The following CDH13 variants were observed in gnomAD, a reference collection of about 807,000 sequenced individuals.
CDH13 encodes cadherin-13.
Under a neutral mutation model 63.8 loss-of-function variants are expected in CDH13, and 24 were observed. The observed-to-expected ratio is 0.38, with a 90% CI of 0.27 to 0.53. The LOEUF (loss-of-function observed/expected upper bound fraction) is 0.53, where lower values mean the gene tolerates loss of function less well. CDH13 is among the 20% of genes least tolerant of loss of function. The pLI, the probability that CDH13 is intolerant of heterozygous loss-of-function variation, is 0.85. For missense variants in CDH13, 1,049 were observed against 903.1 expected, an observed-to-expected ratio of 1.16 and a Z score of -2.07; for synonymous variants, 503 against 355.3, an observed-to-expected ratio of 1.42 and a Z score of -4.67.
At chr16:83,520,560 G>A (rs769218798) in intron 7 of CDH13, among the ~76,000 whole-genome samples, 4 of 152,258 alleles carry the variant, frequency 2.6e-5, no homozygotes, top group South Asian at 2.1e-4. Flanking sequence ...GTGTCTCGAC[G>A]TCATTGCATG....
chr16:82,695,498 C>G (rs2030170008), intron 1 of CDH13, among the ~76,000 whole-genome samples: 1 of 152,160 alleles, frequency 6.6e-6, no homozygotes, highest in Admixed American at 6.5e-5. Context: ...GCAGGAAGGA[C>G]TTCACCTCTT....
intron 13 of CDH13, among the ~76,000 whole-genome samples, chr16:83,789,739 T>C (rs1916133640): frequency 6.6e-6 from 1 of 152,094 alleles, no homozygotes; most frequent in Non-Finnish European, 1.5e-5. Context: ...GTAGAATCTC[T>C]TTGATGTTTC....
chr16:83,768,940 A>T (rs1465468585), intron 11 of CDH13, among the ~76,000 whole-genome samples: 1 of 152,232 alleles, frequency 6.6e-6, no homozygotes, highest in Non-Finnish European at 1.5e-5. Context: ...CCGTCTGGGA[A>T]TGCAGCCCAG....
intron 6 of CDH13, among the ~76,000 whole-genome samples, chr16:83,433,749 A>G (rs1307936985): frequency 6.6e-6 from 1 of 152,232 alleles, no homozygotes. Flanking sequence ...ACCATTAGCT[A>G]CTGCCATGTC....
At chr16:82,989,615 A>G (rs1319183542) in intron 2 of CDH13, among the ~76,000 whole-genome samples, 1 of 152,208 alleles carries the variant, frequency 6.6e-6, no homozygotes, top group Admixed American at 6.5e-5. Context: ...CCAGTGATAC[A>G]ATGGAGACTT....
chr16:83,373,043 T>C (rs1172491560), intron 6 of CDH13, among the ~76,000 whole-genome samples: 2 of 152,320 alleles, frequency 1.3e-5, no homozygotes, highest in East Asian at 3.9e-4. Flanking sequence ...ATCAATAAAA[T>C]TGATCATCTC....
chr16:83,172,234 T>G (rs919810438), intron 4 of CDH13, among the ~76,000 whole-genome samples: 7 of 152,122 alleles, frequency 4.6e-5, no homozygotes, highest in Non-Finnish European at 1.0e-4. Context: ...CTCATGCCTG[T>G]AATCCCAGCA....
intron 11 of CDH13, among the ~76,000 whole-genome samples, chr16:83,763,607 A>G (rs908354910): frequency 6.6e-6 from 1 of 152,174 alleles, no homozygotes; most frequent in Non-Finnish European, 1.5e-5. Context: ...GATTGATTCT[A>G]CTTAAAAGAT....
chr16:82,899,071 C>G (rs950612680), intron 2 of CDH13, among the ~76,000 whole-genome samples: 2 of 152,174 alleles, frequency 1.3e-5, no homozygotes, highest in African/African-American at 2.4e-5. Flanking sequence ...GAAGGACCAT[C>G]TGAAGGGTCC....
chr16:83,230,639 T>G (rs780514019), intron 5 of CDH13, among the ~76,000 whole-genome samples: 4 of 152,034 alleles, frequency 2.6e-5, no homozygotes, highest in Non-Finnish European at 1.5e-5. Flanking sequence ...ACACAAAAAT[T>G]AGCTGGGCGT....
At chr16:83,184,146 T>TTA (rs796673042) in intron 4 of CDH13, among the ~76,000 whole-genome samples, 35 of 123,356 alleles carry the variant, frequency 2.8e-4, no homozygotes, top group Non-Finnish European at 1.9e-4. Flanking sequence ...ACACAACTAG[T>TTA]AAAAAAAAAA....
chr16:83,023,441 G>T (rs536896672), intron 2 of CDH13, among the ~76,000 whole-genome samples: 19 of 152,204 alleles, frequency 1.2e-4, no homozygotes, highest in African/African-American at 4.3e-4. Context: ...TTTCAAATCC[G>T]TGAGAAACTA....
At chr16:82,896,852 C>A (rs567910646) in intron 2 of CDH13, among the ~76,000 whole-genome samples, 143 of 129,838 alleles carry the variant, frequency 1.1e-3, no homozygotes, top group African/African-American at 4.2e-3. Flanking sequence ...GCAGTCTCGG[C>A]TCACTGCAAG....
intron 4 of CDH13, among the ~76,000 whole-genome samples, chr16:83,186,370 C>T (rs567810433): frequency 9.2e-4 from 140 of 152,058 alleles, no homozygotes; most frequent in African/African-American, 3.3e-3. Context: ...ATCTCTTGAC[C>T]TTTTGATCCA....
chr16:82,917,070 C>G (rs1296009111), intron 2 of CDH13, among the ~76,000 whole-genome samples: 1 of 152,170 alleles, frequency 6.6e-6, no homozygotes, highest in African/African-American at 2.4e-5. Context: ...TCTTTTAAAC[C>G]ACTGTGACAG....
chr16:83,499,283 C>G (rs2074217145), intron 7 of CDH13, among the ~76,000 whole-genome samples: 1 of 152,200 alleles, frequency 6.6e-6, no homozygotes, highest in Non-Finnish European at 1.5e-5. Context: ...AGCTGTGATA[C>G]TTCTTTGTTT....
intron 3 of CDH13, among the ~76,000 whole-genome samples, chr16:83,041,090 G>A (rs577202523): frequency 6.6e-6 from 1 of 152,262 alleles, no homozygotes; most frequent in Admixed American, 6.5e-5. Context: ...AGACCTGGCA[G>A]TATTTAAAAG....
chr16:83,125,500 A>C lies in CDH13; in HGVS notation c.482A>C (p.Lys161Thr). 1 of 1,531,190 alleles carries C rather than the reference A, an allele frequency of 6.5e-7. No individual in the cohort carries two copies. Among genetic ancestry groups the C allele is most frequent in the Non-Finnish European group, 9.1e-7 (1 of 1,104,816 alleles). The allele number at this position is 1,531,190 out of a possible 1,614,324, so 94.9% of individuals were successfully genotyped here. The change falls in exon 4 of 14, where the codon AAG (lysine) becomes ACG (threonine). Residue 161 changes from lysine (K) to threonine (T), a missense_variant and splice_region_variant. Transcript: ENST00000567109. ...QRQPFPRDVG[K>T]VVDSDRPERS... is the part of the protein sequence containing the mutation. ...CAGCCTTTCCCAAGAGATGTTGGCAAGGTAAGTCAGACAAACAGCAAATGA... is the reference window on the plus strand; with the variant it reads ...CAGCCTTTCCCAAGAGATGTTGGCACGGTAAGTCAGACAAACAGCAAATGA...
At chr16:82,971,544 C>G (rs1240168554) in intron 2 of CDH13, among the ~76,000 whole-genome samples, 2 of 152,194 alleles carry the variant, frequency 1.3e-5, no homozygotes, top group Non-Finnish European at 2.9e-5. Context: ...TAACCCAGAC[C>G]TCTGGCTACA....
Sources: allele counts gnomAD v4.1 joint callset (sites outside exome capture counted in the v4.1 genomes callset), GRCh38; gene constraint gnomAD v4.1.1; transcripts MANE v1.5; gene names NCBI Gene and HGNC (gene_info 2026-07-23, HGNC 2026-07-21).